The following RBFOX1 variants were observed in gnomAD, a reference collection of about 807,000 sequenced individuals.
RBFOX1 encodes RNA binding protein fox-1 homolog 1.
A neutral mutation model predicts 57.7 loss-of-function variants in RBFOX1; 8 were observed. The observed-to-expected ratio is 0.14, with a 90% CI of 0.08 to 0.25. The LOEUF is 0.25. Among genes scored for constraint, RBFOX1 ranks in the 10% least tolerant of loss-of-function variants. The probability of loss-of-function intolerance (pLI) is 1.00; values close to 1 mark genes in which losing one functional copy is unlikely to be tolerated. For synonymous variants in RBFOX1, 326 were observed against 222.4 expected (o/e 1.47, Z -4.15); for missense variants, 611 against 548.5 (o/e 1.11, Z -1.14).
At chr16:6,519,208 C>G (rs554736678) in intron 2 of RBFOX1, among the ~76,000 whole-genome samples, 1 of 152,154 alleles carries the variant, frequency 6.6e-6, no homozygotes, top group South Asian at 2.1e-4. Flanking sequence ...ATTGGTAATA[C>G]CTGCCCTGCC....
chr16:6,016,025 C>T (rs1371396335), upstream of RBFOX1, among the ~76,000 whole-genome samples: 1 of 152,168 alleles, frequency 6.6e-6, no homozygotes, highest in Non-Finnish European at 1.5e-5. Context: ...TCATTTCATT[C>T]CAAAGTGGTT....
At chr16:6,417,134 C>A (rs749046604) in intron 2 of RBFOX1, among the ~76,000 whole-genome samples, 8 of 152,128 alleles carry the variant, frequency 5.3e-5, no homozygotes, top group Non-Finnish European at 8.8e-5. Context: ...GCCTCAGCCT[C>A]CCAAGTAGCT....
chr16:6,268,039 T>C (rs932369220), intron 1 of RBFOX1, among the ~76,000 whole-genome samples: 7 of 152,214 alleles, frequency 4.6e-5, no homozygotes, highest in African/African-American at 1.4e-4. Context: ...CTATTAATAT[T>C]AAAATTGCTT....
intron 2 of RBFOX1, among the ~76,000 whole-genome samples, chr16:6,460,747 T>C (rs2094898250): frequency 6.6e-6 from 1 of 150,730 alleles, no homozygotes; most frequent in Non-Finnish European, 1.5e-5. Context: ...CATTACTGGG[T>C]ATATAGCCAA....
chr16:7,630,769 C>A, intron 11 of RBFOX1, 86 bp downstream of exon 11: 1 of 1,563,630 alleles, frequency 6.4e-7, no homozygotes, highest in Admixed American at 1.9e-5. Context: ...CTCTCCCCCT[C>A]CCTCTGCCCC....
chr16:5,807,363 C>G (rs964033983), intron 3 of RBFOX1, among the ~76,000 whole-genome samples: 1 of 152,078 alleles, frequency 6.6e-6, no homozygotes, highest in Non-Finnish European at 1.5e-5. Flanking sequence ...CTTCAGGATG[C>G]CACAGGGCCA....
At chr16:7,111,261 A>T (rs1229935152) in intron 4 of RBFOX1, among the ~76,000 whole-genome samples, 2 of 151,808 alleles carry the variant, frequency 1.3e-5, no homozygotes, top group African/African-American at 2.4e-5. Flanking sequence ...ACACCGTAAA[A>T]GTGAAAGTGT....
At chr16:7,120,432 C>G (rs1306053411) in intron 4 of RBFOX1, among the ~76,000 whole-genome samples, 1 of 151,832 alleles carries the variant, frequency 6.6e-6, no homozygotes, top group Non-Finnish European at 1.5e-5. Flanking sequence ...TCTAGCAAGA[C>G]TGACAAAAAG....
At chr16:7,002,245 G>A (rs925638087) in intron 3 of RBFOX1, among the ~76,000 whole-genome samples, 6 of 152,150 alleles carry the variant, frequency 3.9e-5, no homozygotes, top group Non-Finnish European at 8.8e-5. Flanking sequence ...TGGATACAGC[G>A]GTGCATGAAG....
At chr16:6,175,655 C>G (rs2097000437) in intron 1 of RBFOX1, among the ~76,000 whole-genome samples, 1 of 152,126 alleles carries the variant, frequency 6.6e-6, no homozygotes, top group African/African-American at 2.4e-5. Context: ...ATATAGGGAT[C>G]TGAGTAAAAT....
intron 12 of RBFOX1, among the ~76,000 whole-genome samples, chr16:7,656,098 A>AATAGT (rs1450010484): frequency 6.6e-6 from 1 of 152,224 alleles, no homozygotes; most frequent in Non-Finnish European, 1.5e-5. Context: ...CCTTGCTGAT[A>AATAGT]ATAGTATGGC....
At chr16:5,782,957 A>T (rs181256879) in intron 3 of RBFOX1, among the ~76,000 whole-genome samples, 9 of 152,254 alleles carry the variant, frequency 5.9e-5, no homozygotes, top group Admixed American at 5.2e-4. Flanking sequence ...GGATGACATC[A>T]CCCACACGGG....
intron 3 of RBFOX1, among the ~76,000 whole-genome samples, chr16:6,738,657 C>G (rs772366225): frequency 3.3e-5 from 5 of 152,276 alleles, no homozygotes; most frequent in African/African-American, 9.6e-5. Flanking sequence ...AATTACAGAA[C>G]CCTTTACCCC....
intron 2 of RBFOX1, among the ~76,000 whole-genome samples, chr16:5,561,457 C>T (rs571029158): frequency 2.6e-4 from 40 of 152,014 alleles, no homozygotes; most frequent in African/African-American, 9.2e-4. Context: ...TCTTTCTTTC[C>T]TGCCTTATAG....
chr16:7,622,481 G>A (rs553252748), intron 10 of RBFOX1, among the ~76,000 whole-genome samples: 1 of 152,194 alleles, frequency 6.6e-6, no homozygotes, highest in South Asian at 2.1e-4. Flanking sequence ...TAAGTGAACA[G>A]TTGGAGTGAG....
chr16:7,005,309 C>G (rs1408489385), intron 3 of RBFOX1, among the ~76,000 whole-genome samples: 3 of 152,166 alleles, frequency 2.0e-5, no homozygotes, highest in Non-Finnish European at 2.9e-5. Flanking sequence ...ATCTTCCTCC[C>G]TTTCAATGAG....
chr16:5,514,123 A>C (rs2043702347), intron 2 of RBFOX1, among the ~76,000 whole-genome samples: 1 of 152,184 alleles, frequency 6.6e-6, no homozygotes, highest in Non-Finnish European at 1.5e-5. Flanking sequence ...AAACTACCCC[A>C]AAACTTTATG....
At chr16:7,687,739 T>C (rs1201577152) in intron 14 of RBFOX1, among the ~76,000 whole-genome samples, 2 of 152,062 alleles carry the variant, frequency 1.3e-5, no homozygotes, top group East Asian at 3.9e-4. Context: ...ATTAGTATAA[T>C]TAGCAATTAA....
At chr16:5,519,017 T>C (rs1016608470) in intron 2 of RBFOX1, among the ~76,000 whole-genome samples, 1 of 152,000 alleles carries the variant, frequency 6.6e-6, no homozygotes, top group Non-Finnish European at 1.5e-5. Context: ...GAAGAGGAGA[T>C]GAGAACACGA....
Sources: allele counts gnomAD v4.1 joint callset (sites outside exome capture counted in the v4.1 genomes callset), GRCh38; gene constraint gnomAD v4.1.1; transcripts MANE v1.5; gene names NCBI Gene and HGNC (gene_info 2026-07-23, HGNC 2026-07-21).